TBL1X: variants seen among roughly 807,000 people sequenced by gnomAD.
TBL1X encodes the protein F-box-like/WD repeat-containing protein TBL1X.
TBL1X carries 10 observed loss-of-function variants against 50.7 expected under a neutral mutation model. The ratio of observed to expected loss-of-function variants is 0.20; its 90% CI spans 0.12 to 0.33. The LOEUF (loss-of-function observed/expected upper bound fraction) is 0.33. TBL1X is among the 10% of genes least tolerant of loss of function. The pLI is 1.00. For synonymous variants in TBL1X, 190 were observed against 214.7 expected (o/e 0.88, Z 1.01); for missense variants, 340 against 504.4 (o/e 0.67, Z 3.12).
rs1252390734 is a variant in TBL1X, at chrX:9,717,806, C to G, written c.*1560C>G. 1 of 112,529 alleles carries G rather than the reference C, an allele frequency of 8.9e-6. No individual in the cohort carries two copies. The highest frequency in any genetic ancestry group is 2.8e-4 in the East Asian group (1 of 3,597). The allele number at this position is 112,529 out of a possible 1,213,427, so 9.3% of individuals were successfully genotyped here. On this transcript the variant is annotated 3_prime_UTR_variant, in exon 18 of 18. Transcript: ENST00000645353. ...GAAATGAATGCAGAAGGAAGATTTT[C>G]AGTCCTGAACGTGAATTATAGAGGT... is the stretch of plus-strand genomic sequence containing the variant.
chrX:9,643,609 T>C lies in TBL1X; in HGVS notation c.-43+3249T>C, dbSNP rs192939898. On this transcript the variant is annotated intron_variant, in intron 3 of 17. Coordinates refer to ENST00000645353, the MANE Select transcript of TBL1X (RefSeq NM_005647.4). ...CTCACACTTTGTACTCCCTGCACTT[T>C]AGAAGGCCAAAGCAGGAGGATCACT... is the stretch of plus-strand genomic sequence containing the variant. 3.8e-3 allele frequency among the ~76,000 whole-genome samples: 420 copies of C among 111,836 alleles called. 1 individual carries two copies. Among genetic ancestry groups the C allele is most frequent in the Non-Finnish European group, 6.8e-3 (360 of 53,169 alleles).
At chrX:9,654,442 T>G in intron 5 of TBL1X, 120 bp downstream of exon 5, 2 of 780,838 alleles carry the variant, frequency 2.6e-6, no homozygotes, top group Non-Finnish European at 3.8e-6. Flanking sequence ...AAGAAGGTTC[T>G]TAGTGCTGAT....
intron 2 of TBL1X, among the ~76,000 whole-genome samples, chrX:9,567,657 G>A (rs7887654): frequency 0.016 from 1,820 of 112,131 alleles, 40 homozygotes; most frequent in African/African-American, 0.056. Flanking sequence ...TCCCTCGGAT[G>A]GATGGGGCAT....
intron 1 of TBL1X, among the ~76,000 whole-genome samples, chrX:9,491,326 A>T (rs1440919445): frequency 3.4e-5 from 1 of 29,325 alleles, no homozygotes; most frequent in African/African-American, 1.2e-4. Flanking sequence ...ATATATATAT[A>T]TATATATATA....
intron 1 of TBL1X, among the ~76,000 whole-genome samples, chrX:9,474,122 A>G (rs912007309): frequency 1.8e-5 from 2 of 112,968 alleles, no homozygotes; most frequent in East Asian, 5.5e-4. Context: ...GGGATGCAGG[A>G]AGAAATTATG....
chrX:9,524,977 C>T (rs2082125115), intron 2 of TBL1X, among the ~76,000 whole-genome samples: 1 of 111,475 alleles, frequency 9.0e-6, no homozygotes, highest in African/African-American at 3.3e-5. Flanking sequence ...GTCTTGAACT[C>T]CTGGGCTCCA....
chrX:9,565,245 C>T (rs1309898493), intron 2 of TBL1X, among the ~76,000 whole-genome samples: 2 of 80,129 alleles, frequency 2.5e-5, no homozygotes, highest in Non-Finnish European at 2.2e-5. Context: ...GCACTCCAGC[C>T]TGGGTGGCAG....
At chrX:9,517,431 A>C (rs2082086014) in intron 2 of TBL1X, among the ~76,000 whole-genome samples, 1 of 111,643 alleles carries the variant, frequency 9.0e-6, no homozygotes, top group South Asian at 3.8e-4. Context: ...AATCAGTATT[A>C]TAGCAGGGAC....
chrX:9,575,998 A>G (rs1369187297), intron 2 of TBL1X, among the ~76,000 whole-genome samples: 1 of 112,052 alleles, frequency 8.9e-6, no homozygotes, highest in Non-Finnish European at 1.9e-5. Context: ...ATTAATACTA[A>G]TCTGTCAAGA....
chrX:9,695,563 CT>C (rs2083126768), intron 11 of TBL1X, among the ~76,000 whole-genome samples: 1 of 112,405 alleles, frequency 8.9e-6, no homozygotes, highest in African/African-American at 3.2e-5. Flanking sequence ...AATGACAGCA[CT>C]TTTCTTTATC....
intron 2 of TBL1X, among the ~76,000 whole-genome samples, chrX:9,546,383 G>A (rs768462714): frequency 4.5e-5 from 5 of 111,586 alleles, no homozygotes; most frequent in African/African-American, 6.5e-5. Flanking sequence ...GCGTGGTGGC[G>A]GGCGCCTGTA....
At chrX:9,674,806 C>G (rs1444749504) in intron 5 of TBL1X, among the ~76,000 whole-genome samples, 1 of 107,564 alleles carries the variant, frequency 9.3e-6, no homozygotes, top group Non-Finnish European at 1.9e-5. Flanking sequence ...TGTTGAACCC[C>G]TGGCTTCAAA....
intron 1 of TBL1X, among the ~76,000 whole-genome samples, chrX:9,465,768 C>T (rs751013181): frequency 8.9e-6 from 1 of 112,979 alleles, no homozygotes; most frequent in East Asian, 2.9e-4. Flanking sequence ...TTTAGGGAAG[C>T]GCTCGGCTTT....
chrX:9,705,657 G>C (rs992715928), intron 13 of TBL1X, among the ~76,000 whole-genome samples: 5 of 105,535 alleles, frequency 4.7e-5, no homozygotes, highest in African/African-American at 1.7e-4. Flanking sequence ...GGAGCTGAAG[G>C]CTGCAGTGAG....
chrX:9,702,107 C>G (rs1471909011), intron 12 of TBL1X, among the ~76,000 whole-genome samples: 1 of 111,254 alleles, frequency 9.0e-6, no homozygotes, highest in Admixed American at 9.6e-5. Context: ...TCAGAGAAAG[C>G]TGGATTCTTC....
At chrX:9,472,683 G>T (rs1483296070) in intron 1 of TBL1X, among the ~76,000 whole-genome samples, 1 of 110,240 alleles carries the variant, frequency 9.1e-6, no homozygotes. Flanking sequence ...GGAGGCTGAG[G>T]GGGGCAGATC....
Position 9,692,270 on chromosome X carries a change from C to T in TBL1X, c.891+16C>T, listed in dbSNP as rs1425352433. On this transcript the variant is annotated intron_variant, in intron 9 of 17. Coordinates refer to ENST00000645353, the MANE Select transcript of TBL1X (RefSeq NM_005647.4). ...GGACTGGAATGTAAGCATCTTCCAC[C>T]CCCTGGGCACTTTGAAATTGGTAAA... is the stretch of plus-strand genomic sequence containing the variant. The T allele has an allele frequency of 8.7e-7, 1 of 1,150,561 alleles. No individual in the cohort carries two copies. The highest frequency in any genetic ancestry group is 1.8e-5 in the African/African-American group (1 of 54,056). The allele number at this position is 1,150,561 out of a possible 1,213,427, so 94.8% of individuals were successfully genotyped here. A position where few individuals can be genotyped will look rare whatever the true frequency, so the allele number is the denominator to read the frequency against.
At chrX:9,478,420 T>C (rs1395411283) in intron 1 of TBL1X, among the ~76,000 whole-genome samples, 1 of 111,871 alleles carries the variant, frequency 8.9e-6, no homozygotes, top group East Asian at 2.8e-4. Flanking sequence ...AAACCGCCTT[T>C]GCAAAAATTA....
At chrX:9,663,163 C>A in intron 5 of TBL1X, among the ~76,000 whole-genome samples, 1 of 111,236 alleles carries the variant, frequency 9.0e-6, no homozygotes. Context: ...ATGATAAGGG[C>A]TTTTTCATAG....
Sources: gnomAD v4.1 joint callset for allele counts (sites outside exome capture counted in the v4.1 genomes callset) on GRCh38, gnomAD v4.1.1 for gene constraint, MANE v1.5 for transcripts, NCBI Gene and HGNC (gene_info 2026-07-23, HGNC 2026-07-21) for gene names.